Variants in CTNNBIP1 observed in about 807,000 individuals in gnomAD.
The protein encoded by CTNNBIP1 is beta-catenin-interacting protein 1.
CTNNBIP1 carries 7 observed loss-of-function variants against 11.8 expected under a neutral mutation model. The observed-to-expected ratio is 0.60, with a 90% CI of 0.34 to 1.12. The LOEUF (loss-of-function observed/expected upper bound fraction) is 1.12, where lower values mean the gene tolerates loss of function less well. CTNNBIP1 is among the 50% of genes most tolerant of loss of function. The probability of loss-of-function intolerance (pLI) is 0.03; values close to 1 mark genes in which losing one functional copy is unlikely to be tolerated. For synonymous variants in CTNNBIP1, 58 were observed against 43.9 expected, an observed-to-expected ratio of 1.32 and a Z score of -1.26; for missense variants, 101 against 113.4, an observed-to-expected ratio of 0.89 and a Z score of 0.50.
At chr1:9,890,687 C>G (rs929249616) in intron 1 of CTNNBIP1, among the ~76,000 whole-genome samples, 12 of 152,176 alleles carry the variant, frequency 7.9e-5, no homozygotes, top group African/African-American at 2.4e-4. Flanking sequence ...CCCCTCACTC[C>G]TGGGTATGAG....
At chr1:9,897,049 A>G (rs573607820) in intron 1 of CTNNBIP1, among the ~76,000 whole-genome samples, 21 of 145,690 alleles carry the variant, frequency 1.4e-4, no homozygotes, top group Non-Finnish European at 2.6e-4. Flanking sequence ...GGCTGAGGCA[A>G]GAGAATCGCT....
chr1:9,885,856 T>G (rs1430679964), intron 1 of CTNNBIP1, among the ~76,000 whole-genome samples: 1 of 150,836 alleles, frequency 6.6e-6, no homozygotes, highest in Non-Finnish European at 1.5e-5. Flanking sequence ...CGCTTGAATC[T>G]GGGAGGCAGA....
chr1:9,864,575 A>G (rs562256228), intron 5 of CTNNBIP1, among the ~76,000 whole-genome samples: 11 of 152,174 alleles, frequency 7.2e-5, no homozygotes, highest in Admixed American at 2.0e-4. Flanking sequence ...TGATCCGCCC[A>G]CCTTGGCCTC....
chr1:9,902,290 G>C (rs957044241), intron 1 of CTNNBIP1, among the ~76,000 whole-genome samples: 1 of 152,158 alleles, frequency 6.6e-6, no homozygotes, highest in Non-Finnish European at 1.5e-5. Flanking sequence ...TCTGGCGCCT[G>C]TTACATAAGA....
In CTNNBIP1 at chr1:9,871,312, TGCACCTGTTCCCTGAAAG is replaced by T. The variant is rs1412202196; in HGVS notation, c.97-53_97-36del. The stretch of plus-strand genomic sequence containing the variant: ...GAGAGAGCTGTGGTGAGGGGCAGCA[TGCACCTGTTCCCTGAAAG>T]GCACCTGCACCCCTAGAGGCACCGC... On this transcript the variant is annotated intron_variant, in intron 4 of 5. Transcript: ENST00000377263. The surrounding 1 kb of genome is among the most constrained non-coding windows in gnomAD (Gnocchi z 5.2). The T allele has an allele frequency of 6.7e-7, 1 of 1,493,436 alleles. No homozygotes were observed. Among genetic ancestry groups the T allele is most frequent in the Non-Finnish European group, 9.1e-7 (1 of 1,096,220 alleles). The allele number at this position is 1,493,436 out of a possible 1,614,324, so 92.5% of individuals were successfully genotyped here.
chr1:9,850,654 G>GCCCAGGAGCCACACAGATCTCTTGGCCCT lies in CTNNBIP1; in HGVS notation c.*35_*63dup. The GCCCAGGAGCCACACAGATCTCTTGGCCCT allele has an allele frequency of 6.6e-7, 1 of 1,504,750 alleles. No individual in the cohort carries two copies. The highest frequency in any genetic ancestry group is 9.3e-7 in the Non-Finnish European group (1 of 1,080,864). 93.2% of individuals were successfully genotyped at this position (1,504,750 alleles called of 1,614,324 possible). On this transcript the variant is annotated 3_prime_UTR_variant, in exon 6 of 6. Transcript: ENST00000377263. ...AAGGGGGGCTGCTGCCACTCAGCCG[G>GCCCAGGAGCCACACAGATCTCTTGGCCCT]CCCAGGAGCCACACAGATCTCTTGG...
chr1:9,873,167 C>T (rs775271447), intron 3 of CTNNBIP1, among the ~76,000 whole-genome samples: 2 of 152,124 alleles, frequency 1.3e-5, no homozygotes, highest in Non-Finnish European at 2.9e-5. Flanking sequence ...TCCCCATAAG[C>T]TAATGGGGCC....
chr1:9,902,424 C>T (rs1488927527), intron 1 of CTNNBIP1, among the ~76,000 whole-genome samples: 1 of 152,176 alleles, frequency 6.6e-6, no homozygotes, highest in Non-Finnish European at 1.5e-5. Context: ...AGGGTTAAGG[C>T]TTTAAGTGGG....
At chr1:9,894,133 C>T (rs974516819) in intron 1 of CTNNBIP1, among the ~76,000 whole-genome samples, 5 of 152,152 alleles carry the variant, frequency 3.3e-5, no homozygotes, top group Admixed American at 2.6e-4. Flanking sequence ...AGAACATCCA[C>T]ATACCTTGCT....
At chr1:9,853,247 T>C (rs1638429041) in intron 5 of CTNNBIP1, among the ~76,000 whole-genome samples, 1 of 152,216 alleles carries the variant, frequency 6.6e-6, no homozygotes, top group Non-Finnish European at 1.5e-5. Context: ...CTGCTTTCCT[T>C]TGGGATGAAA....
intron 5 of CTNNBIP1, among the ~76,000 whole-genome samples, chr1:9,857,206 C>T (rs867271052): frequency 2.0e-5 from 3 of 150,084 alleles, no homozygotes; most frequent in South Asian, 2.1e-4. Context: ...GGTGGCTGGG[C>T]GCGGTGGCTC....
At chr1:9,854,146 A>G (rs61785229) in intron 5 of CTNNBIP1, among the ~76,000 whole-genome samples, 17,821 of 152,112 alleles carry the variant, frequency 0.12, 2,900 homozygotes, top group African/African-American at 0.35. Context: ...AGGCAGAGGC[A>G]GGTGGATCAC....
chr1:9,857,528 G>T (rs369862083), intron 5 of CTNNBIP1, among the ~76,000 whole-genome samples: 79 of 150,360 alleles, frequency 5.3e-4, no homozygotes, highest in Non-Finnish European at 1.1e-3. Context: ...AGTGGCTCAC[G>T]CCTGTAATCT....
intron 2 of CTNNBIP1, among the ~76,000 whole-genome samples, chr1:9,881,211 T>A (rs1639074339): frequency 6.6e-6 from 1 of 151,972 alleles, no homozygotes; most frequent in African/African-American, 2.4e-5. Context: ...ATTTTTATAT[T>A]TTTTGTAGCG....
At chr1:9,875,580 T>A (rs943431815) in intron 3 of CTNNBIP1, among the ~76,000 whole-genome samples, 1 of 152,254 alleles carries the variant, frequency 6.6e-6, no homozygotes, top group Admixed American at 6.5e-5. Flanking sequence ...CGTCTGCGCC[T>A]GCATTTTGGA....
intron 1 of CTNNBIP1, among the ~76,000 whole-genome samples, chr1:9,886,798 C>T (rs1395080606): frequency 3.9e-5 from 6 of 152,196 alleles, no homozygotes; most frequent in Non-Finnish European, 1.5e-5. Context: ...CAAGGTAGCA[C>T]CTCAGGTCCT....
chr1:9,890,099 T>C (rs1280569113), intron 1 of CTNNBIP1, among the ~76,000 whole-genome samples: 1 of 152,190 alleles, frequency 6.6e-6, no homozygotes, highest in Non-Finnish European at 1.5e-5. Flanking sequence ...CATCTTCTGG[T>C]TTAAAATATT....
intron 1 of CTNNBIP1, among the ~76,000 whole-genome samples, chr1:9,896,750 T>C (rs182882702): frequency 3.9e-5 from 6 of 152,094 alleles, no homozygotes; most frequent in South Asian, 2.1e-4. Flanking sequence ...GGGCGAATCA[T>C]GAGGTCAGGA....
chr1:9,900,464 C>T (rs148018987), intron 1 of CTNNBIP1, among the ~76,000 whole-genome samples: 15 of 152,302 alleles, frequency 9.8e-5, no homozygotes, highest in East Asian at 5.8e-4. Flanking sequence ...CAGTGCAGTG[C>T]GGTGCCTGAC....
Sources: gnomAD v4.1 joint callset for allele counts (sites outside exome capture counted in the v4.1 genomes callset) on GRCh38, gnomAD v4.1.1 for gene constraint, Gnocchi (gnomAD v3.1) non-coding constraint, MANE v1.5 for transcripts, NCBI Gene and HGNC (gene_info 2026-07-23, HGNC 2026-07-21) for gene names.